Variants in SLC7A9 observed in about 807,000 individuals in gnomAD.
The protein encoded by SLC7A9 is solute carrier family 7 member 9.
SLC7A9 carries 38 observed loss-of-function variants against 54.1 expected under a neutral mutation model. The observed-to-expected ratio is 0.70, with a 90% CI of 0.54 to 0.92. The LOEUF (loss-of-function observed/expected upper bound fraction) is 0.92, where lower values mean the gene tolerates loss of function less well. Ranked by LOEUF, SLC7A9 falls within the 40% of genes least tolerant of loss-of-function variation. The probability of loss-of-function intolerance (pLI) is 0.00; values close to 1 mark genes in which losing one functional copy is unlikely to be tolerated. For missense variants in SLC7A9, 537 were observed against 636.1 expected (o/e 0.84, Z 1.68); for synonymous variants, 264 against 258.9 (o/e 1.02, Z -0.19).
At position 32,864,548 on chromosome 19, in the gene SLC7A9, G is replaced by A; in HGVS notation, c.235+81C>T. 3 of 1,579,336 alleles carry A rather than the reference G, an allele frequency of 1.9e-6. No homozygotes were observed. The South Asian group carries it at 3.3e-5, about 17-fold the overall frequency. On this transcript the variant is annotated intron_variant, in intron 3 of 12. Transcript: ENST00000023064. ...ATGTGCCAAGAGGGATACTGGCAGG[G>A]TGAGGGCTGGCACAGGTAGCAGCTG...
chr19:32,843,689 G>T (rs1968193273), intron 10 of SLC7A9, among the ~76,000 whole-genome samples, 166 bp downstream of exon 10: 1 of 152,140 alleles, frequency 6.6e-6, no homozygotes, highest in African/African-American at 2.4e-5. Context: ...TCAGACAAAG[G>T]AGCAGATATT....
At chr19:32,869,164 A>G (rs1211122361) in intron 1 of SLC7A9, among the ~76,000 whole-genome samples, 1 of 152,054 alleles carries the variant, frequency 6.6e-6, no homozygotes, top group Non-Finnish European at 1.5e-5. Context: ...CAGAGGCTGC[A>G]GTGAGCCAAG....
At chr19:32,861,144 C>T (rs1968788952) in intron 6 of SLC7A9, among the ~76,000 whole-genome samples, 15 of 152,074 alleles carry the variant, frequency 9.9e-5, no homozygotes, top group Admixed American at 9.8e-4. Context: ...GCCTGGCCAA[C>T]ATGGTAAAAC....
At chr19:32,837,323 C>T (rs968001980) in intron 11 of SLC7A9, among the ~76,000 whole-genome samples, 11 of 151,914 alleles carry the variant, frequency 7.2e-5, no homozygotes, top group Non-Finnish European at 1.6e-4. Flanking sequence ...GGCGAAACCC[C>T]ATGTCTACAA....
rs1036154664 is a variant in SLC7A9, at chr19:32,868,616, T to G, written c.-82A>C. ...TCAGCAGCAGCAGACAAGACGCAAG[T>G]GCAAGCTCGGCCTGGACTAGGGGAG... is the stretch of plus-strand genomic sequence containing the variant. On this transcript the variant is annotated 5_prime_UTR_variant, in exon 2 of 13. Coordinates refer to ENST00000023064, the MANE Select transcript of SLC7A9 (RefSeq NM_014270.5). The G allele has an allele frequency of 3.3e-6, 4 of 1,197,474 alleles. No homozygotes were observed. The highest frequency in any genetic ancestry group is 1.2e-6 in the Non-Finnish European group (1 of 802,374). The allele number at this position is 1,197,474 out of a possible 1,614,324, so 74.2% of individuals were successfully genotyped here.
rs1385644157 is a variant in SLC7A9 at position 32,830,701 on chromosome 19, AAATGAGTACAGTTAGTT to A, written c.1400-34_1400-18del. On this transcript the variant is annotated intron_variant, in intron 12 of 12. Transcript: ENST00000023064. Reference sequence around the variant, plus strand: ...TAATCGGCTCTGAAATAAGAGTCAAAAATGAGTACAGTTAGTTAGACTGAAATTCGAAAGTTTCACTG... The same window carrying A: ...TAATCGGCTCTGAAATAAGAGTCAAAAGACTGAAATTCGAAAGTTTCACTG... The A allele has an allele frequency of 6.2e-7, 1 of 1,605,236 alleles. No homozygotes were observed. Among genetic ancestry groups the A allele is most frequent in the Non-Finnish European group, 8.5e-7 (1 of 1,172,108 alleles).
intron 11 of SLC7A9, among the ~76,000 whole-genome samples, chr19:32,840,889 T>G (rs924708014): frequency 2.6e-5 from 4 of 152,214 alleles, no homozygotes; most frequent in African/African-American, 9.6e-5. Context: ...GAGTTGGTGG[T>G]AAGACTTCAT....
chr19:32,855,139 TC>T (rs1968581020), intron 9 of SLC7A9, among the ~76,000 whole-genome samples: 1 of 152,216 alleles, frequency 6.6e-6, no homozygotes, highest in African/African-American at 2.4e-5. Context: ...AATTCTGTCA[TC>T]TTTTGACAAC....
At position 32,830,668 on chromosome 19, in the gene SLC7A9, G is replaced by A. The variant is rs961941650; in HGVS notation, c.1416C>T (p.His472=). Residue 472 remains histidine, a synonymous_variant, in exon 13 of 13, where the codon CAC becomes CAT. Transcript: ENST00000023064. ...AQKISKPITM[H]LQMLMEVVPP... is the part of the protein sequence containing the mutation. Reference sequence around the variant, plus strand: ...GGACCACTTCCATTAGCATCTGAAGGTGCATGGTAATCGGCTCTGAAATAA... The same window carrying A: ...GGACCACTTCCATTAGCATCTGAAGATGCATGGTAATCGGCTCTGAAATAA... 6.2e-7 allele frequency: 1 copy of A among 1,613,988 alleles called. No homozygotes were observed. The highest frequency in any genetic ancestry group is 1.1e-5 in the South Asian group (1 of 91,084).
chr19:32,864,858 G>A (rs945086467), intron 2 of SLC7A9, 82 bp from the exon 3 acceptor site: 17 of 1,576,862 alleles, frequency 1.1e-5, no homozygotes, highest in African/African-American at 6.7e-5. Context: ...CCCTCGGTAC[G>A]GCCAGGGCGG....
chr19:32,847,124 G>C (rs1254202374), intron 9 of SLC7A9, among the ~76,000 whole-genome samples: 1 of 152,218 alleles, frequency 6.6e-6, no homozygotes, highest in Non-Finnish European at 1.5e-5. Flanking sequence ...AAAAAGCAGA[G>C]TGCCTCTCCT....
intron 9 of SLC7A9, 60 bp downstream of exon 9, chr19:32,858,380 G>A (rs1968688542): frequency 8.6e-7 from 1 of 1,165,088 alleles, no homozygotes; most frequent in Non-Finnish European, 1.3e-6. Flanking sequence ...GTCTTCCTCG[G>A]GGGTGATATT....
At chr19:32,860,487 AAAT>A in intron 7 of SLC7A9, 116 bp downstream of exon 7, 1 of 1,530,470 alleles carries the variant, frequency 6.5e-7, no homozygotes, top group East Asian at 2.4e-5. Flanking sequence ...AAAAAAAAAG[AAAT>A]AATTCACTGT....
At chr19:32,841,090 G>C (rs998874689) in intron 11 of SLC7A9, among the ~76,000 whole-genome samples, 2 of 152,210 alleles carry the variant, frequency 1.3e-5, no homozygotes, top group African/African-American at 4.8e-5. Context: ...GCTGATGCCA[G>C]AGACTTGTCC....
rs367982270 is a variant in SLC7A9, at chr19:32,865,616, G to C, written c.88-840C>G. ...GGGCTGGGGCCCTGCCTAGAAAGGG[G>C]CACGAGGGAGCTTTCTGGGGTGGTA... is the stretch of plus-strand genomic sequence containing the variant. On this transcript the variant is annotated intron_variant, in intron 2 of 12. Coordinates refer to ENST00000023064, the MANE Select transcript of SLC7A9 (RefSeq NM_014270.5). 6.0e-4 allele frequency among the ~76,000 whole-genome samples: 91 copies of C among 152,318 alleles called. No individual in the cohort carries two copies. In the South Asian group the frequency reaches 0.018, roughly 30 times the overall value.
intron 11 of SLC7A9, among the ~76,000 whole-genome samples, chr19:32,838,729 T>C (rs1968040295): frequency 6.7e-6 from 1 of 148,286 alleles, no homozygotes; most frequent in Non-Finnish European, 1.5e-5. Context: ...TATTTGTATG[T>C]ATAACAGACA....
chr19:32,842,014 A>G (rs186404999), intron 11 of SLC7A9, among the ~76,000 whole-genome samples, 154 bp downstream of exon 11: 1 of 152,224 alleles, frequency 6.6e-6, no homozygotes, highest in African/African-American at 2.4e-5. Context: ...ATCATAAACT[A>G]TGCTGTGAAG....
At chr19:32,853,163 G>A (rs1034706795) in intron 9 of SLC7A9, among the ~76,000 whole-genome samples, 4 of 152,086 alleles carry the variant, frequency 2.6e-5, no homozygotes, top group Admixed American at 6.6e-5. Flanking sequence ...CACCCACTTC[G>A]GCCTTCCAAA....
intron 11 of SLC7A9, among the ~76,000 whole-genome samples, chr19:32,839,898 A>G (rs1176886290): frequency 6.6e-6 from 1 of 152,182 alleles, no homozygotes; most frequent in Non-Finnish European, 1.5e-5. Flanking sequence ...TTCCAGTTAC[A>G]TTGTATGCCT....
Sources: allele counts gnomAD v4.1 joint callset (sites outside exome capture counted in the v4.1 genomes callset), GRCh38; gene constraint gnomAD v4.1.1; transcripts MANE v1.5; gene names NCBI Gene and HGNC (gene_info 2026-07-23, HGNC 2026-07-21).